Variants in NRXN1 observed in about 807,000 individuals in gnomAD.
NRXN1 encodes neurexin-1.
A neutral mutation model predicts 150.9 loss-of-function variants in NRXN1; 39 were observed. The observed-to-expected ratio is 0.26, with a 90% CI of 0.20 to 0.34. The LOEUF is 0.34. Among genes scored for constraint, NRXN1 ranks in the 10% least tolerant of loss-of-function variants. NRXN1 has a pLI of 1.00. For missense variants in NRXN1, 1,815 were observed against 1,949.9 expected, an observed-to-expected ratio of 0.93 and a Z score of 1.30; for synonymous variants, 924 against 757.0, an observed-to-expected ratio of 1.22 and a Z score of -3.62.
chr2:50,698,544 T>C (rs1693254318), intron 5 of NRXN1, among the ~76,000 whole-genome samples: 1 of 152,218 alleles, frequency 6.6e-6, no homozygotes, highest in South Asian at 2.1e-4. Flanking sequence ...TTAAAATGAA[T>C]TAATAAATAT....
At chr2:49,931,414 T>C (rs1001307413) in intron 22 of NRXN1, among the ~76,000 whole-genome samples, 1 of 152,104 alleles carries the variant, frequency 6.6e-6, no homozygotes, top group African/African-American at 2.4e-5. Context: ...CACTAAGCTA[T>C]TTAAAGTTAA....
intron 9 of NRXN1, among the ~76,000 whole-genome samples, chr2:50,549,065 T>G (rs1429807204): frequency 6.6e-6 from 1 of 152,176 alleles, no homozygotes. Context: ...AAAAATAATA[T>G]TCATATAGCC....
intron 17 of NRXN1, among the ~76,000 whole-genome samples, chr2:50,329,611 GTGTGTGTATATATATATATATA>G (rs2076639339): frequency 8.9e-5 from 2 of 22,498 alleles, no homozygotes; most frequent in African/African-American, 2.0e-4. Flanking sequence ...GTGTGTGTGT[GTGTGTGTATATATATATATATA>G]TATATATATA....
At chr2:50,438,437 C>G (rs1359071340) in intron 17 of NRXN1, among the ~76,000 whole-genome samples, 1 of 151,966 alleles carries the variant, frequency 6.6e-6, no homozygotes, top group Non-Finnish European at 1.5e-5. Flanking sequence ...TGCACTGGAA[C>G]TGGGGGGAGT....
At chr2:50,193,755 C>T (rs1179347114) in intron 18 of NRXN1, among the ~76,000 whole-genome samples, 2 of 151,976 alleles carry the variant, frequency 1.3e-5, no homozygotes, top group East Asian at 3.9e-4. Flanking sequence ...CAATTATTGG[C>T]ATAATTATAT....
At chr2:50,344,199 C>T (rs1045390690) in intron 17 of NRXN1, among the ~76,000 whole-genome samples, 3 of 152,190 alleles carry the variant, frequency 2.0e-5, no homozygotes, top group Non-Finnish European at 4.4e-5. Flanking sequence ...TCCCTCTGCA[C>T]TCACACCTCA....
chr2:50,532,093 C>T (rs1300140235), intron 10 of NRXN1, among the ~76,000 whole-genome samples: 1 of 152,050 alleles, frequency 6.6e-6, no homozygotes, highest in Non-Finnish European at 1.5e-5. Context: ...TCCAGTGACC[C>T]TCTCGCCCAG....
chr2:50,259,640 AAT>A, intron 17 of NRXN1, among the ~76,000 whole-genome samples: 1 of 151,952 alleles, frequency 6.6e-6, no homozygotes, highest in Middle Eastern at 3.4e-3. Context: ...TCTCTTTTAA[AAT>A]ATTCTCCAAA....
chr2:50,752,219 T>C (rs1362200458), intron 5 of NRXN1, among the ~76,000 whole-genome samples: 1 of 151,988 alleles, frequency 6.6e-6, no homozygotes, highest in African/African-American at 2.4e-5. Context: ...AAAAAATTCT[T>C]TGGCCTGCCT....
At chr2:50,061,873 A>G (rs1694590695) in intron 19 of NRXN1, among the ~76,000 whole-genome samples, 2 of 152,312 alleles carry the variant, frequency 1.3e-5, no homozygotes, top group South Asian at 2.1e-4. Context: ...TTTTCAAGCA[A>G]TGAAACTGCA....
At chr2:50,784,497 TATGAAAAAAC>T (rs1704814111) in intron 5 of NRXN1, among the ~76,000 whole-genome samples, 2 of 151,736 alleles carry the variant, frequency 1.3e-5, no homozygotes, top group Admixed American at 1.3e-4. Flanking sequence ...ACATGGTGAG[TATGAAAAAAC>T]ATGAAAATTC....
chr2:50,204,538 G>C (rs1185359939), intron 18 of NRXN1, among the ~76,000 whole-genome samples: 2 of 152,058 alleles, frequency 1.3e-5, no homozygotes, highest in Non-Finnish European at 2.9e-5. Flanking sequence ...CCTGGGTGCA[G>C]TGAGAATATT....
chr2:50,473,837 C>A (rs1391685772), intron 15 of NRXN1, among the ~76,000 whole-genome samples: 2 of 151,914 alleles, frequency 1.3e-5, no homozygotes, highest in Non-Finnish European at 2.9e-5. Context: ...AATAAGCTAA[C>A]CTATTAATTT....
chr2:50,307,415 C>A (rs1307087991), intron 17 of NRXN1, among the ~76,000 whole-genome samples: 2 of 152,096 alleles, frequency 1.3e-5, no homozygotes, highest in African/African-American at 4.8e-5. Flanking sequence ...ATCTCTAAAG[C>A]CTGAAAAGCA....
intron 18 of NRXN1, among the ~76,000 whole-genome samples, chr2:50,110,777 C>T (rs1274448548): frequency 6.6e-6 from 1 of 151,998 alleles, no homozygotes; most frequent in Non-Finnish European, 1.5e-5. Context: ...TAAATATTTT[C>T]CCCCTAGGTT....
chr2:49,942,920 T>C (rs913528915), intron 22 of NRXN1, among the ~76,000 whole-genome samples: 2 of 152,144 alleles, frequency 1.3e-5, no homozygotes, highest in Non-Finnish European at 2.9e-5. Context: ...AAGAACATTA[T>C]TGAATTTAAA....
chr2:51,025,542 T>A (rs1430419708), intron 2 of NRXN1, among the ~76,000 whole-genome samples: 1 of 152,178 alleles, frequency 6.6e-6, no homozygotes, highest in African/African-American at 2.4e-5. Flanking sequence ...GTTTCCTAAT[T>A]TAAGGAAGGA....
intron 18 of NRXN1, among the ~76,000 whole-genome samples, chr2:50,105,547 G>T (rs1382944881): frequency 6.6e-6 from 1 of 151,804 alleles, no homozygotes; most frequent in Non-Finnish European, 1.5e-5. Flanking sequence ...ATTTATCATT[G>T]CTTGCTATTT....
At chr2:50,631,372 T>G (rs1280199608) in intron 5 of NRXN1, 4 of 236,478 alleles carry the variant, frequency 1.7e-5, no homozygotes, top group Non-Finnish European at 3.3e-5. Context: ...TTGAAGTCAC[T>G]AAATATGAAA....
Sources: allele counts gnomAD v4.1 joint callset (sites outside exome capture counted in the v4.1 genomes callset), GRCh38; gene constraint gnomAD v4.1.1; transcripts MANE v1.5; gene names NCBI Gene and HGNC (gene_info 2026-07-23, HGNC 2026-07-21).